The following MYMX variants were observed in gnomAD, a reference collection of about 807,000 sequenced individuals.
The protein encoded by MYMX is myomixer, myoblast fusion factor.
rs140998806 is a variant in MYMX, at chr6:44,217,688, C to T, written c.217C>T (p.Arg73Cys). ...CGCTGGGGAGGCCTCAAGAGTGGACCGCCTGGAGAGGAGGGAGAGGTTAGG... is the reference window on the plus strand; with the variant it reads ...CGCTGGGGAGGCCTCAAGAGTGGACTGCCTGGAGAGGAGGGAGAGGTTAGG... Reference protein sequence around the residue: ...PDAGEASRVDRLERRERLGPQ... With the variant: ...PDAGEASRVDCLERRERLGPQ... The change falls in exon 2 of 2, where the codon CGC becomes TGC. Residue 73 changes from arginine to cysteine, a missense_variant. Transcript: ENST00000573382. The T allele has an allele frequency of 5.7e-5, 23 of 400,986 alleles. No homozygotes were observed. The highest frequency in any genetic ancestry group is 3.7e-4 in the African/African-American group (18 of 48,830). 24.8% of individuals were successfully genotyped at this position (400,986 alleles called of 1,614,324 possible).
At chr6:44,201,778 G>T in the MYMX span, among the ~76,000 whole-genome samples, 1 of 152,280 alleles carries the variant, frequency 6.6e-6, no homozygotes, top group Middle Eastern at 3.4e-3. Flanking sequence ...CTCTTTATCT[G>T]GTCAGCTGTA....
At chr6:44,214,479 G>A (rs1212477570), upstream of MYMX, among the ~76,000 whole-genome samples, 1 of 152,202 alleles carries the variant, frequency 6.6e-6, no homozygotes, top group Non-Finnish European at 1.5e-5. Context: ...CCGCTGTGAG[G>A]CTTTAGGTGA....
the MYMX span, among the ~76,000 whole-genome samples, chr6:44,202,727 T>C: frequency 6.6e-6 from 1 of 151,926 alleles, no homozygotes; most frequent in Non-Finnish European, 1.5e-5. Context: ...GGGAAGGTGG[T>C]GGAGAGGGCA....
At chr6:44,209,933 A>G in the MYMX span, 1 of 145,836 alleles carries the variant, frequency 6.9e-6, no homozygotes, top group Non-Finnish European at 1.5e-5. Context: ...AAGTATATAT[A>G]TATATATATT....
the MYMX span, among the ~76,000 whole-genome samples, chr6:44,208,967 T>C: frequency 6.6e-6 from 1 of 152,108 alleles, no homozygotes; most frequent in African/African-American, 2.4e-5. Flanking sequence ...CTGCTCTCTC[T>C]CACTCTCTTT....
upstream of MYMX, among the ~76,000 whole-genome samples, chr6:44,215,134 G>A (rs922977526): frequency 6.6e-6 from 1 of 152,222 alleles, no homozygotes; most frequent in African/African-American, 2.4e-5. Context: ...AGATGATGAT[G>A]CTAGTGGCGG....
chr6:44,201,750 G>T, the MYMX span, among the ~76,000 whole-genome samples: 107 of 152,360 alleles, frequency 7.0e-4, 1 homozygote, highest in East Asian at 0.018. Flanking sequence ...CAAACTCTGA[G>T]CCTCACATTC....
the MYMX span, among the ~76,000 whole-genome samples, chr6:44,195,420 G>C: frequency 1.3e-5 from 2 of 152,140 alleles, no homozygotes; most frequent in African/African-American, 4.8e-5. Flanking sequence ...CCCTGAAAGG[G>C]AACCACTCTC....
chr6:44,205,795 CAA>C, the MYMX span, among the ~76,000 whole-genome samples: 6 of 149,726 alleles, frequency 4.0e-5, no homozygotes, highest in Non-Finnish European at 8.9e-5. Flanking sequence ...GGCAACAGAG[CAA>C]GACTTCTTCT....
At chr6:44,196,839 T>A in the MYMX span, among the ~76,000 whole-genome samples, 19 of 152,066 alleles carry the variant, frequency 1.2e-4, no homozygotes, top group African/African-American at 4.3e-4. Context: ...ATGCCTGTAA[T>A]CCCAGCTGCT....
At chr6:44,201,255 A>G in the MYMX span, among the ~76,000 whole-genome samples, 1 of 152,242 alleles carries the variant, frequency 6.6e-6, no homozygotes, top group East Asian at 1.9e-4. Context: ...GCAGAAAGGC[A>G]CTGTGATTAT....
the MYMX span, among the ~76,000 whole-genome samples, chr6:44,203,050 T>C: frequency 6.6e-6 from 1 of 152,146 alleles, no homozygotes; most frequent in Non-Finnish European, 1.5e-5. Flanking sequence ...TTAGCCAAGG[T>C]CACAGCAACC....
chr6:44,200,950 G>C, the MYMX span, among the ~76,000 whole-genome samples: 1 of 152,150 alleles, frequency 6.6e-6, no homozygotes, highest in Non-Finnish European at 1.5e-5. Context: ...CTCCTCCCTG[G>C]CTAGAACAAC....
chr6:44,202,724 T>G, the MYMX span, among the ~76,000 whole-genome samples: 1 of 151,734 alleles, frequency 6.6e-6, no homozygotes, highest in African/African-American at 2.4e-5. Flanking sequence ...GATGGGAAGG[T>G]GGTGGAGAGG....
upstream of MYMX, among the ~76,000 whole-genome samples, chr6:44,216,652 CAAAAAAAAA>C (rs547725984): frequency 8.5e-6 from 1 of 117,268 alleles, no homozygotes; most frequent in East Asian, 2.5e-4. Flanking sequence ...AACTCTGTCT[CAAAAAAAAA>C]AAAAAAAAAA....
chr6:44,207,416 G>A, the MYMX span, among the ~76,000 whole-genome samples: 6 of 152,216 alleles, frequency 3.9e-5, no homozygotes, highest in Non-Finnish European at 5.9e-5. Context: ...TGGGATTACA[G>A]GCATGAGCCA....
At chr6:44,216,582 G>A (rs1775875433), upstream of MYMX, among the ~76,000 whole-genome samples, 1 of 149,222 alleles carries the variant, frequency 6.7e-6, no homozygotes, top group African/African-American at 2.5e-5. Context: ...AACCCAGGAG[G>A]CAGAGGTTGC....
chr6:44,202,987 G>A, the MYMX span, among the ~76,000 whole-genome samples: 1 of 152,214 alleles, frequency 6.6e-6, no homozygotes, highest in African/African-American at 2.4e-5. Flanking sequence ...GGATCTCACC[G>A]CTGGAAGATC....
At chr6:44,210,224 C>T in the MYMX span, among the ~76,000 whole-genome samples, 2,198 of 151,632 alleles carry the variant, frequency 0.014, 60 homozygotes, top group African/African-American at 0.049. Flanking sequence ...GGATTACAGG[C>T]GTGAGCCACC....
Sources: allele counts gnomAD v4.1 joint callset (sites outside exome capture counted in the v4.1 genomes callset), GRCh38; gene constraint gnomAD v4.1.1; transcripts MANE v1.5; gene names NCBI Gene and HGNC (gene_info 2026-07-23, HGNC 2026-07-21).